PGM1: variants seen among roughly 807,000 people sequenced by gnomAD.
PGM1 encodes phosphoglucomutase-1.
In PGM1, 52 loss-of-function variants were observed where a neutral mutation model predicts 55.6. The observed-to-expected ratio is 0.94, with a 90% CI of 0.75 to 1.18. The LOEUF is 1.18. PGM1 is among the 50% of genes most tolerant of loss of function. PGM1 has a pLI of 0.00. For missense variants in PGM1, 724 were observed against 729.3 expected (o/e 0.99, Z 0.08); for synonymous variants, 287 against 271.7 (o/e 1.06, Z -0.55).
At chr1:63,611,899 T>C (rs1301549961) in intron 1 of PGM1, among the ~76,000 whole-genome samples, 1 of 151,688 alleles carries the variant, frequency 6.6e-6, no homozygotes, top group Non-Finnish European at 1.5e-5. Context: ...CGAGACTCCT[T>C]CTCAGAAAAT....
intron 1 of PGM1, among the ~76,000 whole-genome samples, chr1:63,595,688 G>A (rs888500054): frequency 6.6e-6 from 1 of 152,130 alleles, no homozygotes; most frequent in Non-Finnish European, 1.5e-5. Flanking sequence ...AGATCCTGTT[G>A]AATACCATGT....
In PGM1 at chr1:63,609,886, TG is replaced by T. The variant is rs374749093; in HGVS notation, c.246+16154del. On this transcript the variant is annotated intron_variant, in intron 1 of 10. Coordinates refer to ENST00000371084, the MANE Select transcript of PGM1 (RefSeq NM_002633.3). ...GTAGGCTAGGCCAGGCCATGATGTT[TG>T]GTAGGTTAGGTGGATCAGATGCATT... Among the ~76,000 whole-genome samples, 566 of 152,320 alleles carry T rather than the reference TG, an allele frequency of 3.7e-3. 3 individuals are homozygous for T. The highest frequency in any genetic ancestry group is 0.012 in the African/African-American group (509 of 41,558).
chr1:63,609,384 C>A (rs1054264695), intron 1 of PGM1, among the ~76,000 whole-genome samples: 2 of 152,158 alleles, frequency 1.3e-5, no homozygotes, highest in African/African-American at 2.4e-5. Flanking sequence ...ACAAGCATTG[C>A]GGAACACTTT....
intron 1 of PGM1, among the ~76,000 whole-genome samples, chr1:63,611,947 A>C (rs1557705506): frequency 6.6e-6 from 1 of 152,060 alleles, no homozygotes; most frequent in Non-Finnish European, 1.5e-5. Flanking sequence ...GTATTTGCCC[A>C]GTAACATATT....
intron 7 of PGM1, among the ~76,000 whole-genome samples, chr1:63,642,964 C>G (rs1649556600): frequency 6.6e-6 from 1 of 152,144 alleles, no homozygotes; most frequent in African/African-American, 2.4e-5. Context: ...TCATAGAGGG[C>G]TCCATGAATT....
At chr1:63,611,334 CA>C (rs933524470) in intron 1 of PGM1, among the ~76,000 whole-genome samples, 12 of 152,046 alleles carry the variant, frequency 7.9e-5, no homozygotes, top group African/African-American at 2.9e-4. Flanking sequence ...GCAGCCCTTG[CA>C]AAACAAGGAG....
intron 10 of PGM1, among the ~76,000 whole-genome samples, chr1:63,656,206 A>G (rs855355): frequency 0.28 from 42,408 of 152,144 alleles, 6,522 homozygotes; most frequent in African/African-American, 0.38. Flanking sequence ...CATCAGGGAA[A>G]TGAAAATCAA....
chr1:63,595,333 T>C (rs1648030613), intron 1 of PGM1, among the ~76,000 whole-genome samples: 1 of 152,172 alleles, frequency 6.6e-6, no homozygotes, highest in Admixed American at 6.5e-5. Context: ...AAAACTATAA[T>C]GGCAGCACTA....
intron 9 of PGM1, among the ~76,000 whole-genome samples, chr1:63,653,131 C>G (rs771892170): frequency 1.3e-5 from 2 of 152,146 alleles, no homozygotes; most frequent in Non-Finnish European, 2.9e-5. Context: ...GGCCTAAGCT[C>G]GAGAGCTGCC....
At chr1:63,610,712 A>G (rs1389516804) in intron 1 of PGM1, among the ~76,000 whole-genome samples, 2 of 152,164 alleles carry the variant, frequency 1.3e-5, no homozygotes, top group Non-Finnish European at 2.9e-5. Flanking sequence ...TACACCTATT[A>G]GCTTATAAAT....
At chr1:63,593,774 G>C (rs1231067663) in intron 1 of PGM1, 40 bp downstream of exon 1, 4 of 1,539,348 alleles carry the variant, frequency 2.6e-6, no homozygotes, top group Non-Finnish European at 2.6e-6. Flanking sequence ...GCACCCTGGC[G>C]CGTGTGCGAC....
At chr1:63,625,853 A>C (rs1388534547) in intron 1 of PGM1, among the ~76,000 whole-genome samples, 9 of 152,176 alleles carry the variant, frequency 5.9e-5, no homozygotes, top group Admixed American at 5.9e-4. Context: ...GGCCCCTTTT[A>C]GAATATTGAT....
intron 1 of PGM1, among the ~76,000 whole-genome samples, chr1:63,602,175 T>C (rs996614505): frequency 4.6e-5 from 7 of 152,188 alleles, no homozygotes; most frequent in African/African-American, 1.7e-4. Flanking sequence ...TGTTATAATA[T>C]GCTGGTTAAT....
intron 1 of PGM1, among the ~76,000 whole-genome samples, chr1:63,596,254 C>CTTTTTTT (rs531673796): frequency 6.3e-4 from 70 of 111,318 alleles, no homozygotes; most frequent in Non-Finnish European, 7.9e-4. Context: ...TTTTCTTCTT[C>CTTTTTTT]TTTTTTTTTT....
rs376760155 is a variant in PGM1, at chr1:63,620,178, G to T, written c.247-9247G>T. On this transcript the variant is annotated intron_variant, in intron 1 of 10. Transcript: ENST00000371084. ...ACCTCTCATACATTTTACAGTGAAA[G>T]ATTTGAGCCCTAGTTGTATCTGGCT... Among the ~76,000 whole-genome samples, 7 of 152,218 alleles carry T rather than the reference G, an allele frequency of 4.6e-5. No homozygotes were observed. The South Asian group carries it at 1.4e-3, about 32-fold the overall frequency.
chr1:63,611,896 C>G (rs1231544225), intron 1 of PGM1, among the ~76,000 whole-genome samples: 1 of 151,740 alleles, frequency 6.6e-6, no homozygotes, highest in Non-Finnish European at 1.5e-5. Context: ...GAGCGAGACT[C>G]CTTCTCAGAA....
Position 63,652,067 on chromosome 1 carries a change from G to A in PGM1, c.1464+215G>A, listed in dbSNP as rs6669179. Among the ~76,000 whole-genome samples the A allele has an allele frequency of 0.2, 30,759 of 152,038 alleles. 3,254 individuals carry two copies. The highest frequency in any genetic ancestry group is 0.23 in the South Asian group (1,121 of 4,824). The stretch of plus-strand genomic sequence containing the variant: ...ATGCCCTTGTTCTGTGCACTGTCCA[G>A]TACCCTCATTCTGGGATTCTTAACC... On this transcript the variant is annotated intron_variant, in intron 9 of 10. Coordinates refer to ENST00000371084, the MANE Select transcript of PGM1 (RefSeq NM_002633.3).
At chr1:63,612,114 G>A (rs529205332) in intron 1 of PGM1, among the ~76,000 whole-genome samples, 21 of 151,922 alleles carry the variant, frequency 1.4e-4, no homozygotes, top group Admixed American at 3.9e-4. Flanking sequence ...AAAATTAGCC[G>A]GGCATGGTGG....
At chr1:63,654,257 A>G in intron 9 of PGM1, 75 bp from the exon 10 acceptor site, 1 of 1,430,280 alleles carries the variant, frequency 7.0e-7, no homozygotes, top group Non-Finnish European at 9.9e-7. Context: ...TACATCCCCA[A>G]ATAGACCCCT....
Sources: gnomAD v4.1 joint callset for allele counts (sites outside exome capture counted in the v4.1 genomes callset) on GRCh38, gnomAD v4.1.1 for gene constraint, MANE v1.5 for transcripts, NCBI Gene and HGNC (gene_info 2026-07-23, HGNC 2026-07-21) for gene names.